Variants in TCF4 observed in about 807,000 individuals in gnomAD.
TCF4 encodes transcription factor 4, also known as SL3-3 enhancer factor 2.
Under a neutral mutation model 82.1 loss-of-function variants are expected in TCF4, and 3 were observed. The ratio of observed to expected loss-of-function variants is 0.04; its 90% confidence interval spans 0.02 to 0.09. The LOEUF (loss-of-function observed/expected upper bound fraction) is 0.09, where lower values mean the gene tolerates loss of function less well. TCF4 is among the 10% of genes least tolerant of loss of function. The pLI, the probability that TCF4 is intolerant of heterozygous loss-of-function variation, is 1.00. For missense variants in TCF4, 518 were observed against 852.7 expected, an observed-to-expected ratio of 0.61 and a Z score of 4.89; for synonymous variants, 276 against 309.6, an observed-to-expected ratio of 0.89 and a Z score of 1.14.
intron 6 of TCF4, among the ~76,000 whole-genome samples, chr18:55,374,871 TAAAAAAAAAAA>T (rs5825137): frequency 1.5e-5 from 1 of 67,146 alleles, no homozygotes; most frequent in Non-Finnish European, 2.8e-5. Context: ...AGGCCCTGTC[TAAAAAAAAAAA>T]AAAAAAAAAA....
chr18:55,324,976 T>C (rs1180782489), intron 8 of TCF4, among the ~76,000 whole-genome samples: 3 of 152,186 alleles, frequency 2.0e-5, no homozygotes, highest in Non-Finnish European at 4.4e-5. Flanking sequence ...TTGACAGATA[T>C]ATTTGAGGTG....
At chr18:55,317,125 T>A (rs966811798) in intron 8 of TCF4, among the ~76,000 whole-genome samples, 1 of 152,056 alleles carries the variant, frequency 6.6e-6, no homozygotes, top group Non-Finnish European at 1.5e-5. Context: ...ATAATTTTGT[T>A]TTAAAGTAAT....
intron 3 of TCF4, among the ~76,000 whole-genome samples, chr18:55,498,290 GCCTTACACAAC>G (rs1240635891): frequency 6.6e-6 from 1 of 152,152 alleles, no homozygotes; most frequent in African/African-American, 2.4e-5. Flanking sequence ...GATGGCCCTC[GCCTTACACAAC>G]CCTGACAGTG....
intron 5 of TCF4, among the ~76,000 whole-genome samples, chr18:55,440,953 C>T (rs1030522300): frequency 6.6e-6 from 1 of 152,122 alleles, no homozygotes; most frequent in Non-Finnish European, 1.5e-5. Flanking sequence ...TTGCTCCTTT[C>T]CCCCTTCCCC....
chr18:55,482,555 T>C (rs1219875470), intron 3 of TCF4, among the ~76,000 whole-genome samples: 1 of 152,200 alleles, frequency 6.6e-6, no homozygotes, highest in Admixed American at 6.5e-5. Context: ...GGCATATTAA[T>C]AGTGTACAGT....
At chr18:55,268,164 CT>C (rs1356602808) in intron 11 of TCF4, 1 of 152,036 alleles carries the variant, frequency 6.6e-6, no homozygotes, top group Non-Finnish European at 1.5e-5. Context: ...CAAACAGAGC[CT>C]AAGTATGTTT....
At chr18:55,257,744 T>C (rs1052689580) in intron 13 of TCF4, among the ~76,000 whole-genome samples, 5 of 152,176 alleles carry the variant, frequency 3.3e-5, no homozygotes, top group Admixed American at 3.3e-4. Context: ...TAGACCTTCA[T>C]GCAAGGCTAG....
At chr18:55,255,212 T>C (rs970475691) in intron 14 of TCF4, among the ~76,000 whole-genome samples, 1 of 152,188 alleles carries the variant, frequency 6.6e-6, no homozygotes, top group Non-Finnish European at 1.5e-5. Flanking sequence ...TGGATGATAA[T>C]TTCTTGTTGA....
At chr18:55,514,279 G>C (rs1460831226) in intron 3 of TCF4, among the ~76,000 whole-genome samples, 2 of 152,046 alleles carry the variant, frequency 1.3e-5, no homozygotes, top group Non-Finnish European at 2.9e-5. Flanking sequence ...GACTATTGTG[G>C]CATCGAGCAA....
At chr18:55,303,417 C>T (rs145556493) in intron 8 of TCF4, among the ~76,000 whole-genome samples, 4 of 152,256 alleles carry the variant, frequency 2.6e-5, no homozygotes, top group Admixed American at 2.0e-4. Flanking sequence ...CTTTTGCCTT[C>T]GTGTCCCTAC....
At chr18:55,416,211 G>C (rs548548364) in intron 5 of TCF4, among the ~76,000 whole-genome samples, 5 of 151,994 alleles carry the variant, frequency 3.3e-5, no homozygotes, top group Admixed American at 3.3e-4. Flanking sequence ...TGTTCCTACT[G>C]TTTTCCAAGC....
chr18:55,303,393 T>C (rs1042973966), intron 8 of TCF4, among the ~76,000 whole-genome samples: 1 of 152,138 alleles, frequency 6.6e-6, no homozygotes, highest in Non-Finnish European at 1.5e-5. Context: ...AGGGTCAGTG[T>C]TAGTCTATTT....
At chr18:55,290,386 T>C (rs1284260785) in intron 8 of TCF4, among the ~76,000 whole-genome samples, 1 of 152,118 alleles carries the variant, frequency 6.6e-6, no homozygotes, top group African/African-American at 2.4e-5. Flanking sequence ...ACAAACCCAC[T>C]TTTCATCACA....
chr18:55,517,363 G>C (rs1483649285), intron 3 of TCF4, among the ~76,000 whole-genome samples: 1 of 152,076 alleles, frequency 6.6e-6, no homozygotes, highest in African/African-American at 2.4e-5. Context: ...TCAGTTGATG[G>C]CTCCCTAAAC....
chr18:55,586,150 GAGGAGCAGCAGCAGCAGCAGCAGCAGC>G (rs1479286628), intron 2 of TCF4: 39 of 1,222,712 alleles, frequency 3.2e-5, no homozygotes, highest in African/African-American at 9.6e-5. Context: ...GGAGGAGGAG[GAGGAGCAGCAGCAGCAGCAGCAGCAGC>G]AGCAGCAGCA....
intron 6 of TCF4, among the ~76,000 whole-genome samples, chr18:55,368,317 GT>G (rs1184882870): frequency 6.6e-6 from 1 of 152,136 alleles, no homozygotes; most frequent in Non-Finnish European, 1.5e-5. Context: ...GGAGGCGGAG[GT>G]TGCAGTGAGC....
chr18:55,352,515 A>G (rs1441176133), intron 6 of TCF4, among the ~76,000 whole-genome samples: 1 of 152,166 alleles, frequency 6.6e-6, no homozygotes, highest in African/African-American at 2.4e-5. Context: ...AACTTCAAGG[A>G]TGAGATTTCA....
At chr18:55,303,728 T>C (rs910883175) in intron 8 of TCF4, among the ~76,000 whole-genome samples, 3 of 151,404 alleles carry the variant, frequency 2.0e-5, no homozygotes, top group Non-Finnish European at 4.4e-5. Context: ...AACAAACAAG[T>C]GAAATGGACA....
chr18:55,475,444 C>A (rs2096271000), intron 3 of TCF4, among the ~76,000 whole-genome samples: 1 of 152,142 alleles, frequency 6.6e-6, no homozygotes, highest in Non-Finnish European at 1.5e-5. Flanking sequence ...ATTTTGATCA[C>A]CTGGTCAAAG....
Sources: gnomAD v4.1 joint callset for allele counts (sites outside exome capture counted in the v4.1 genomes callset) on GRCh38, gnomAD v4.1.1 for gene constraint, MANE v1.5 for transcripts, NCBI Gene and HGNC (gene_info 2026-07-23, HGNC 2026-07-21) for gene names.